SPTBN5: variants seen among roughly 807,000 people sequenced by gnomAD.
SPTBN5 encodes the protein spectrin beta, non-erythrocytic 5.
SPTBN5 carries 513 observed loss-of-function variants against 477.6 expected under a neutral mutation model. The observed-to-expected ratio is 1.07, with a 90% confidence interval of 1.00 to 1.16. The LOEUF (loss-of-function observed/expected upper bound fraction) is 1.16, where lower values mean the gene tolerates loss of function less well. Among genes scored for constraint, SPTBN5 ranks in the 50% most tolerant of loss-of-function variants. The probability of loss-of-function intolerance (pLI) is 0.00; values close to 1 mark genes in which losing one functional copy is unlikely to be tolerated. For synonymous variants in SPTBN5, 2,169 were observed against 2,011.7 expected, an observed-to-expected ratio of 1.08 and a Z score of -2.09; for missense variants, 5,062 against 4,731.8, an observed-to-expected ratio of 1.07 and a Z score of -2.05.
At chr15:41,887,147 G>A in intron 6 of SPTBN5, 66 bp downstream of exon 6, 3 of 1,435,248 alleles carry the variant, frequency 2.1e-6, no homozygotes, top group Non-Finnish European at 1.9e-6. Flanking sequence ...TGGCAGGGCA[G>A]GCTTCACGCT....
At chr15:41,873,755 C>T in intron 25 of SPTBN5, 90 bp downstream of exon 25, 1 of 1,553,762 alleles carries the variant, frequency 6.4e-7, no homozygotes, top group Non-Finnish European at 8.7e-7. Context: ...GCCCCCACCA[C>T]TGATCCGCCT....
In SPTBN5 at chr15:41,848,801, G is replaced by C. The variant is rs570009621; in HGVS notation, c.11013-173C>G. Among the ~76,000 whole-genome samples the C allele has an allele frequency of 3.9e-5, 6 of 152,296 alleles. No homozygotes were observed. The South Asian group carries it at 1.2e-3, about 32-fold the overall frequency. On this transcript the variant is annotated intron_variant, in intron 67 of 67. Coordinates refer to ENST00000320955, the MANE Select transcript of SPTBN5 (RefSeq NM_016642.4). ...GCTGCAGCAGCGACCACAGTGACGC[G>C]TGAGTGGGTGGGAGTTGCCTCGACT...
intron 3 of SPTBN5, among the ~76,000 whole-genome samples, chr15:41,891,314 G>A (rs1470327686): frequency 6.6e-6 from 1 of 152,200 alleles, no homozygotes; most frequent in Non-Finnish European, 1.5e-5. Context: ...CTAGCCCTGT[G>A]GGAGGAGCTG....
intron 58 of SPTBN5, 23 bp downstream of exon 58, chr15:41,853,559 G>A (rs750895586): frequency 2.1e-5 from 32 of 1,554,760 alleles, no homozygotes; most frequent in Admixed American, 1.6e-4. Flanking sequence ...GAGCTGAGCC[G>A]GCAGCTGAGG....
rs2066164046 is a variant in SPTBN5 at position 41,862,855 on chromosome 15, G to A, written c.7198C>T (p.Gln2400Ter). The change falls in exon 42 of 68, where the codon CAG becomes TAG. Residue 2400 changes from glutamine (Q) to a stop codon, truncating the protein, a stop_gained. Transcript: ENST00000320955. LOFTEE classifies it high-confidence loss of function. ...TCCTCGTGTTTCCGCAGCAGCCTCT[G>A]CACGCTCTCCAGATCTTTCCCACAG... Reference protein sequence around the residue: ...LDCGKDLESVQRLLRKHEELE... With the variant: ...LDCGKDLESV 3 of 1,590,968 alleles carry A rather than the reference G, an allele frequency of 1.9e-6. No individual in the cohort carries two copies. The highest frequency in any genetic ancestry group is 2.6e-6 in the Non-Finnish European group (3 of 1,169,480).
intron 46 of SPTBN5, 94 bp downstream of exon 46, chr15:41,861,325 C>T (rs904025010): frequency 8.8e-7 from 1 of 1,140,622 alleles, no homozygotes; most frequent in South Asian, 1.2e-5. Flanking sequence ...GGGGAGGATC[C>T]CTGGCCTAGG....
In SPTBN5 at chr15:41,853,427, T is replaced by C. The variant is rs2065838319; in HGVS notation, c.10001A>G (p.Gln3334Arg). 6.3e-7 allele frequency: 1 copy of C among 1,589,614 alleles called. No individual in the cohort carries two copies. Among genetic ancestry groups the C allele is most frequent in the Non-Finnish European group, 8.6e-7 (1 of 1,163,984 alleles). ...CAGCTCCTCGGAGGACGCCAGCTCC[T>C]GCCTCTCCTGTGCCCATGCTCTGTG... ...QELLAWAQER[Q>R]ELASSEELAE... Residue 3334 changes from glutamine to arginine, a missense_variant, in exon 59 of 68, where the codon CAG becomes CGG. Transcript: ENST00000320955.
intron 47 of SPTBN5, among the ~76,000 whole-genome samples, chr15:41,859,448 T>C (rs916727954): frequency 3.3e-5 from 5 of 152,200 alleles, no homozygotes; most frequent in Non-Finnish European, 7.3e-5. Flanking sequence ...CGTGAACTAC[T>C]GCACCCAGCC....
chr15:41,852,372 C>T (rs1447917723), intron 61 of SPTBN5, 56 bp from the exon 62 acceptor site: 3 of 1,504,392 alleles, frequency 2.0e-6, no homozygotes, highest in Non-Finnish European at 2.7e-6. Flanking sequence ...CCAGCCACAC[C>T]TCAGGTTCCC....
rs776910908 is a variant in SPTBN5, at chr15:41,848,184, G to A, written c.*432C>T. ...CCATCTGTTATTACTGCTGAGAAGG[G>A]CCATGTCATTCTAGGCTCTTGGCTG... is the stretch of plus-strand genomic sequence containing the variant. On this transcript the variant is annotated 3_prime_UTR_variant, in exon 68 of 68. Coordinates refer to ENST00000320955, the MANE Select transcript of SPTBN5 (RefSeq NM_016642.4). The A allele has an allele frequency of 4.1e-5, 21 of 517,752 alleles. No homozygotes were observed. The highest frequency in any genetic ancestry group is 7.0e-5 in the Non-Finnish European group (20 of 287,038). The allele number at this position is 517,752 out of a possible 1,614,324, so 32.1% of individuals were successfully genotyped here. A position where few individuals can be genotyped will look rare whatever the true frequency, so the allele number is the denominator to read the frequency against.
At chr15:41,850,786 C>G (rs1432556150) in intron 66 of SPTBN5, 68 bp downstream of exon 66, 16 of 1,390,548 alleles carry the variant, frequency 1.2e-5, no homozygotes, top group South Asian at 2.6e-5. Context: ...GCATAAAACA[C>G]TAGGGGCCCA....
intron 22 of SPTBN5, 70 bp downstream of exon 22, chr15:41,875,388 C>T (rs1451485290): frequency 6.6e-7 from 1 of 1,509,290 alleles, no homozygotes; most frequent in African/African-American, 1.4e-5. Context: ...CAGACTTCTC[C>T]CTCCCCGTTC....
intron 62 of SPTBN5, 128 bp from the exon 63 acceptor site, chr15:41,851,978 G>T: frequency 1.1e-6 from 1 of 947,896 alleles, no homozygotes; most frequent in Non-Finnish European, 1.6e-6. Flanking sequence ...ACCCTGCTTA[G>T]CTTCTAAGAT....
Position 41,876,949 on chromosome 15 carries a change from C to G in SPTBN5, c.3712-1G>C. 1 of 1,605,112 alleles carries G rather than the reference C, an allele frequency of 6.2e-7. No homozygotes were observed. The highest frequency in any genetic ancestry group is 8.5e-7 in the Non-Finnish European group (1 of 1,177,062). ...GGCTCAGGGCCTCCCTCACGTCCTCCTGGGAGTGCAGAGACCTGAGGTCAT... is the reference window on the plus strand; with the variant it reads ...GGCTCAGGGCCTCCCTCACGTCCTCGTGGGAGTGCAGAGACCTGAGGTCAT... On this transcript the variant is annotated splice_acceptor_variant, in intron 18 of 67. Transcript: ENST00000320955. LOFTEE classifies it high-confidence loss of function.
Position 41,892,810 on chromosome 15 carries a change from G to C in SPTBN5, c.384+84C>G. ...GCTCCTCTGTTCTGCCCAGTGGCCTGGCGCAGGAAAGGTGACCCAGTAGTT... is the reference window on the plus strand; with the variant it reads ...GCTCCTCTGTTCTGCCCAGTGGCCTCGCGCAGGAAAGGTGACCCAGTAGTT... On this transcript the variant is annotated intron_variant, in intron 3 of 67. Coordinates refer to ENST00000320955, the MANE Select transcript of SPTBN5 (RefSeq NM_016642.4). The C allele has an allele frequency of 2.1e-6, 3 of 1,455,532 alleles. No individual in the cohort carries two copies. In the Admixed American group the frequency reaches 6.7e-5, roughly 33 times the overall value. The allele number at this position is 1,455,532 out of a possible 1,614,324, so 90.2% of individuals were successfully genotyped here.
chr15:41,861,616 G>T, intron 45 of SPTBN5, 119 bp downstream of exon 45: 3 of 1,501,850 alleles, frequency 2.0e-6, no homozygotes, highest in Non-Finnish European at 2.7e-6. Flanking sequence ...AGTGCTGAGT[G>T]GTGGGGAAGT....
At chr15:41,876,356 G>A in intron 20 of SPTBN5, 72 bp from the exon 21 acceptor site, 3 of 1,471,202 alleles carry the variant, frequency 2.0e-6, no homozygotes, top group Non-Finnish European at 2.7e-6. Context: ...CTGCATCTGA[G>A]GGTGGTGTGG....
At position 41,853,694 on chromosome 15, in the gene SPTBN5, C is replaced by T; in HGVS notation, c.9868G>A (p.Ala3290Thr). 1 of 1,600,144 alleles carries T rather than the reference C, an allele frequency of 6.2e-7. No individual in the cohort carries two copies. The highest frequency in any genetic ancestry group is 8.5e-7 in the Non-Finnish European group (1 of 1,175,104). The change falls in exon 58 of 68, where the codon GCC becomes ACC. Residue 3290 changes from alanine to threonine, a missense_variant. Transcript: ENST00000320955. ...GTGGCCCAGGCCTCCTGCACCTTGG[C>T]CAGGCCCCCCGGAGCTGCAGGATGT... The part of the protein sequence containing the change: ...QLHPAAPGGL[A>T]KVQEAWATLQ...
In SPTBN5 at chr15:41,880,263, C is replaced by A; in HGVS notation, c.2708G>T (p.Ser903Ile). The change falls in exon 14 of 68, where the codon AGT becomes ATT. Residue 903 changes from serine to isoleucine, a missense_variant. Physicochemically the swap from Ser to Ile is moderately radical, Grantham distance 142. Coordinates refer to ENST00000320955, the MANE Select transcript of SPTBN5 (RefSeq NM_016642.4). ...CCACAACTGGAGCTCCCCACAGGAA[C>A]TGCAGAAACCGAACAGGGCCATGGC... The part of the protein sequence containing the change: ...EEAMALFGFC[S>I]SCGELQLWLE... 1 of 1,607,846 alleles carries A rather than the reference C, an allele frequency of 6.2e-7. No homozygotes were observed. The highest frequency in any genetic ancestry group is 8.5e-7 in the Non-Finnish European group (1 of 1,177,692).
Sources: gnomAD v4.1 joint callset for allele counts (sites outside exome capture counted in the v4.1 genomes callset) on GRCh38, gnomAD v4.1.1 for gene constraint, MANE v1.5 for transcripts, NCBI Gene and HGNC (gene_info 2026-07-23, HGNC 2026-07-21) for gene names.